Variants in CERS6 observed in about 807,000 individuals in gnomAD.
CERS6 encodes LAG1 homolog, ceramide synthase 6.
A neutral mutation model predicts 56.8 loss-of-function variants in CERS6; 26 were observed. The observed-to-expected ratio is 0.46, with a 90% confidence interval of 0.34 to 0.63. CERS6 has a LOEUF of 0.63. Ranked by LOEUF, CERS6 falls within the 30% of genes least tolerant of loss-of-function variation. The pLI is 0.01. For missense variants in CERS6, 415 were observed against 467.5 expected, an observed-to-expected ratio of 0.89 and a Z score of 1.04; for synonymous variants, 164 against 173.3, an observed-to-expected ratio of 0.95 and a Z score of 0.42.
intron 8 of CERS6, among the ~76,000 whole-genome samples, chr2:168,739,907 A>G (rs1683842400): frequency 6.6e-6 from 1 of 151,998 alleles, no homozygotes; most frequent in Admixed American, 6.6e-5. Context: ...ATGGGGTTTC[A>G]CCAGGTTGGC....
intron 3 of CERS6, among the ~76,000 whole-genome samples, chr2:168,593,604 A>G (rs1440515519): frequency 6.6e-6 from 1 of 152,086 alleles, no homozygotes; most frequent in Non-Finnish European, 1.5e-5. Flanking sequence ...ATAATAGAAG[A>G]TATTAGCCCA....
chr2:168,613,144 A>T (rs1188823528), intron 3 of CERS6, among the ~76,000 whole-genome samples: 1 of 152,206 alleles, frequency 6.6e-6, no homozygotes, highest in Non-Finnish European at 1.5e-5. Context: ...CATTGAGTGA[A>T]TAATAGTGTC....
Position 168,539,470 on chromosome 2 carries a change from A to G in CERS6, c.171-8126A>G, listed in dbSNP as rs186221623. 9.1e-4 allele frequency among the ~76,000 whole-genome samples: 139 copies of G among 152,342 alleles called. 1 individual carries two copies. The highest frequency in any genetic ancestry group is 8.5e-4 in the Non-Finnish European group (58 of 68,032). ...TTAAACATTGCAAAGCTTTTGGCAT[A>G]TAGTATCTGTCAATAAATAGCAGTC... On this transcript the variant is annotated intron_variant, in intron 1 of 9. Coordinates refer to ENST00000305747, the MANE Select transcript of CERS6 (RefSeq NM_203463.3).
chr2:168,706,666 G>A (rs1334599077), intron 6 of CERS6, among the ~76,000 whole-genome samples: 2 of 152,144 alleles, frequency 1.3e-5, no homozygotes, highest in Admixed American at 1.3e-4. Context: ...AATATTGAAT[G>A]GATTACATCC....
intron 3 of CERS6, among the ~76,000 whole-genome samples, chr2:168,599,437 A>G (rs1683879972): frequency 6.6e-6 from 1 of 152,230 alleles, no homozygotes; most frequent in Admixed American, 6.5e-5. Context: ...TCTCTGGCCC[A>G]AAATAAGAAT....
At chr2:168,752,327 A>G (rs1322418966) in intron 8 of CERS6, among the ~76,000 whole-genome samples, 1 of 124,016 alleles carries the variant, frequency 8.1e-6, no homozygotes, top group African/African-American at 2.6e-5. Flanking sequence ...GTATAGAGAG[A>G]GAGAGAGAGA....
intron 1 of CERS6, among the ~76,000 whole-genome samples, chr2:168,504,980 C>T (rs1022777546): frequency 2.0e-5 from 3 of 152,050 alleles, no homozygotes; most frequent in Non-Finnish European, 4.4e-5. Flanking sequence ...TGCTGAGTGG[C>T]AACTGAGTAA....
intron 3 of CERS6, among the ~76,000 whole-genome samples, chr2:168,606,881 C>G (rs770322901): frequency 6.6e-6 from 1 of 152,128 alleles, no homozygotes; most frequent in Non-Finnish European, 1.5e-5. Flanking sequence ...GGCACCTTCC[C>G]CCTCTCTCTC....
chr2:168,538,058 G>C (rs1372042667), intron 1 of CERS6, among the ~76,000 whole-genome samples: 1 of 152,030 alleles, frequency 6.6e-6, no homozygotes, highest in Admixed American at 6.6e-5. Context: ...CTCTTTTGCT[G>C]CCACCACCTC....
chr2:168,647,299 T>G (rs950952937), intron 4 of CERS6, among the ~76,000 whole-genome samples: 1 of 152,164 alleles, frequency 6.6e-6, no homozygotes, highest in African/African-American at 2.4e-5. Flanking sequence ...ATAGGATTGC[T>G]TTTTTGATTT....
In CERS6 at chr2:168,695,068, C is replaced by A; in HGVS notation, c.609+17C>A. The A allele has an allele frequency of 6.3e-7, 1 of 1,595,104 alleles. No homozygotes were observed. Among genetic ancestry groups the A allele is most frequent in the Non-Finnish European group, 8.6e-7 (1 of 1,163,136 alleles). ...AAAAGAAAGGTAAGAGCGGTTATGTCGTAAAGTGCTTGCAAGCATGCATCT... is the reference window on the plus strand; with the variant it reads ...AAAAGAAAGGTAAGAGCGGTTATGTAGTAAAGTGCTTGCAAGCATGCATCT... On this transcript the variant is annotated intron_variant, in intron 6 of 9. Transcript: ENST00000305747.
chr2:168,735,705 A>G (rs1316099273), intron 8 of CERS6, among the ~76,000 whole-genome samples: 1 of 151,102 alleles, frequency 6.6e-6, no homozygotes, highest in Non-Finnish European at 1.5e-5. Flanking sequence ...GTGAGGCCCC[A>G]TCTCTACTAA....
At chr2:168,692,444 C>G (rs1039979821) in intron 5 of CERS6, among the ~76,000 whole-genome samples, 6 of 152,226 alleles carry the variant, frequency 3.9e-5, no homozygotes, top group East Asian at 3.9e-4. Context: ...ATGGCTGGAG[C>G]TGAGAAATTG....
At chr2:168,614,789 C>G (rs764081285) in intron 3 of CERS6, among the ~76,000 whole-genome samples, 4 of 152,086 alleles carry the variant, frequency 2.6e-5, no homozygotes, top group Non-Finnish European at 4.4e-5. Flanking sequence ...CTGGCTCACT[C>G]TAGTAGCTGA....
In CERS6 at chr2:168,649,975, T is replaced by A. The variant is rs541618922; in HGVS notation, c.465+18933T>A. Among the ~76,000 whole-genome samples the A allele has an allele frequency of 4.6e-5, 7 of 152,236 alleles. No individual in the cohort carries two copies. In the East Asian group the frequency reaches 9.6e-4, roughly 21 times the overall value. On this transcript the variant is annotated intron_variant, in intron 4 of 9. Transcript: ENST00000305747. ...ATCTGCTTTTTATCTAGGAGGTATA[T>A]GATATTAAACTGATGGCATGTTAAG... is the stretch of plus-strand genomic sequence containing the variant.
intron 4 of CERS6, among the ~76,000 whole-genome samples, chr2:168,655,281 G>A (rs1685441757): frequency 6.6e-6 from 1 of 152,162 alleles, no homozygotes; most frequent in African/African-American, 2.4e-5. Flanking sequence ...ACTGGTTTGG[G>A]AATGTAGATT....
Position 168,580,176 on chromosome 2 carries a change from C to T in CERS6, c.407+18854C>T, listed in dbSNP as rs149338915. 3.1e-3 allele frequency among the ~76,000 whole-genome samples: 475 copies of T among 151,908 alleles called. 5 individuals carry two copies. Among genetic ancestry groups the T allele is most frequent in the African/African-American group, 0.01 (435 of 41,502 alleles). Reference sequence around the variant, plus strand: ...TGGTGGGATTTTGTTTTATTCAGTCCGGACACATTTGTTTTTTTTCCACCA... The same window carrying T: ...TGGTGGGATTTTGTTTTATTCAGTCTGGACACATTTGTTTTTTTTCCACCA... On this transcript the variant is annotated intron_variant, in intron 3 of 9. Transcript: ENST00000305747.
intron 8 of CERS6, among the ~76,000 whole-genome samples, chr2:168,722,570 ACT>A (rs1267763982): frequency 2.0e-5 from 3 of 152,064 alleles, no homozygotes; most frequent in African/African-American, 7.3e-5. Context: ...TCAGCACGTA[ACT>A]CTAACGAAGC....
chr2:168,758,586 C>T (rs966091466), intron 8 of CERS6, among the ~76,000 whole-genome samples: 4 of 152,178 alleles, frequency 2.6e-5, no homozygotes, highest in East Asian at 3.8e-4. Flanking sequence ...CCCATTCATA[C>T]GGTAAGATCA....
Sources: gnomAD v4.1 joint callset for allele counts (sites outside exome capture counted in the v4.1 genomes callset) on GRCh38, gnomAD v4.1.1 for gene constraint, MANE v1.5 for transcripts, NCBI Gene and HGNC (gene_info 2026-07-23, HGNC 2026-07-21) for gene names.